The following ABI2 variants were observed in gnomAD, a reference collection of about 807,000 sequenced individuals.
ABI2 encodes the protein abl interactor 2.
ABI2 carries 25 observed loss-of-function variants against 59.2 expected under a neutral mutation model. That is an observed-to-expected ratio of 0.42 (90% confidence interval 0.31 to 0.59). The LOEUF is 0.59. Ranked by LOEUF, ABI2 falls within the 20% of genes least tolerant of loss-of-function variation. ABI2 has a pLI of 0.14. For synonymous variants in ABI2, 213 were observed against 235.5 expected (o/e 0.90, Z 0.87); for missense variants, 545 against 681.8 (o/e 0.80, Z 2.23).
At chr2:203,385,107 A>ACAG (rs1036181599) in intron 4 of ABI2, among the ~76,000 whole-genome samples, 1 of 143,104 alleles carries the variant, frequency 7.0e-6, no homozygotes, top group African/African-American at 2.6e-5. Context: ...TGTTGGGATT[A>ACAG]CAGGTGTGAG....
chr2:203,390,075 A>G (rs1364368560), intron 4 of ABI2, among the ~76,000 whole-genome samples: 2 of 152,164 alleles, frequency 1.3e-5, no homozygotes, highest in South Asian at 2.1e-4. Context: ...TCCCAGTTGA[A>G]TGGGATACCT....
chr2:203,394,746 G>T lies in ABI2; in HGVS notation c.625G>T (p.Val209Leu). Residue 209 changes from valine (V) to leucine (L), a missense_variant, in exon 6 of 12, where the codon GTA becomes TTA. Around this residue, in one of 4 missense-constraint regions of ABI2, gnomAD observed 410 missense variants for 435.6 expected, o/e 0.94. Coordinates refer to ENST00000261018, the MANE Select transcript of ABI2 (RefSeq NM_001375670.1). The stretch of plus-strand genomic sequence containing the variant: ...ACTGGAGCCAGTGCGTCCTCCAGTG[G>T]TACCAAATGATTACGTACCTAGCCC... ...RTLEPVRPPV[V>L]PNDYVPSPTR... 1 of 1,614,048 alleles carries T rather than the reference G, an allele frequency of 6.2e-7. No homozygotes were observed.
rs2098485617 is a variant in ABI2, at chr2:203,431,770, G to GT, written c.*4424dup. 1.3e-5 allele frequency: 2 copies of GT among 151,274 alleles called. No individual in the cohort carries two copies. The highest frequency in any genetic ancestry group is 2.1e-4 in the South Asian group (1 of 4,772). 9.4% of individuals were successfully genotyped at this position (151,274 alleles called of 1,614,324 possible). ...AATGATCCTTGCTGAATATCTTAAG[G>GT]TTTTTTGTAAGAAAAAAGAAAAACC... On this transcript the variant is annotated 3_prime_UTR_variant, in exon 12 of 12. Coordinates refer to ENST00000261018, the MANE Select transcript of ABI2 (RefSeq NM_001375670.1).
At chr2:203,411,449 C>A in intron 10 of ABI2, 78 bp downstream of exon 10, 1 of 1,103,148 alleles carries the variant, frequency 9.1e-7, no homozygotes, top group Non-Finnish European at 1.4e-6. Flanking sequence ...ACTGGATAGT[C>A]ATTCATTTGC....
intron 9 of ABI2, among the ~76,000 whole-genome samples, chr2:203,405,589 G>A (rs2097389230): frequency 6.6e-6 from 1 of 152,078 alleles, no homozygotes; most frequent in Non-Finnish European, 1.5e-5. Flanking sequence ...ATTACTCCCA[G>A]TAGCCCTGCA....
chr2:203,378,902 T>A (rs1294861298), intron 2 of ABI2, among the ~76,000 whole-genome samples: 1 of 152,168 alleles, frequency 6.6e-6, no homozygotes, highest in Non-Finnish European at 1.5e-5. Context: ...TATATTTATA[T>A]ATATAATAAA....
chr2:203,420,256 C>T (rs984338088), intron 11 of ABI2, among the ~76,000 whole-genome samples: 1 of 152,074 alleles, frequency 6.6e-6, no homozygotes, highest in African/African-American at 2.4e-5. Context: ...TTTTACTGCC[C>T]GTTTTGTATC....
chr2:203,359,819 G>A (rs1187410952), intron 1 of ABI2, among the ~76,000 whole-genome samples: 5 of 141,716 alleles, frequency 3.5e-5, no homozygotes, highest in African/African-American at 1.3e-4. Context: ...ATCAACATCA[G>A]TGTTAGGTTC....
In ABI2 at chr2:203,391,086, C is replaced by G; in HGVS notation, c.521C>G (p.Thr174Arg). Residue 174 changes from threonine (T) to arginine (R), a missense_variant, in exon 5 of 12, where the codon ACA (threonine) becomes AGA (arginine). Physicochemically the swap from Thr to Arg is moderately conservative, Grantham distance 71. Transcript: ENST00000261018. ...QNMKMGGLPR[T>R]TPPTQKPPSP... is the part of the protein sequence containing the mutation. ...ATGAAGATGGGTGGGCTGCCGCGTACAACACCTCCAACTCAGAAGCCCCCT... is the reference window on the plus strand; with the variant it reads ...ATGAAGATGGGTGGGCTGCCGCGTAGAACACCTCCAACTCAGAAGCCCCCT... 1.2e-6 allele frequency: 2 copies of G among 1,613,930 alleles called. No homozygotes were observed. Among genetic ancestry groups the G allele is most frequent in the Non-Finnish European group, 1.7e-6 (2 of 1,179,926 alleles).
chr2:203,418,977 A>T (rs1243011302), intron 11 of ABI2, among the ~76,000 whole-genome samples: 1 of 152,250 alleles, frequency 6.6e-6, no homozygotes, highest in African/African-American at 2.4e-5. Context: ...AACAAAGATA[A>T]GAATGACTGC....
chr2:203,387,020 G>A (rs2096552865), intron 4 of ABI2, among the ~76,000 whole-genome samples: 3 of 141,064 alleles, frequency 2.1e-5, no homozygotes, highest in African/African-American at 7.8e-5. Context: ...TCTATAGACC[G>A]TTTTGTCTCC....
intron 11 of ABI2, among the ~76,000 whole-genome samples, chr2:203,422,281 C>T (rs956883162): frequency 6.6e-6 from 1 of 152,032 alleles, no homozygotes; most frequent in African/African-American, 2.4e-5. Flanking sequence ...CAGTAAGACT[C>T]TGTCTCAATA....
intron 1 of ABI2, among the ~76,000 whole-genome samples, chr2:203,361,350 T>C (rs572396114): frequency 6.6e-6 from 1 of 152,136 alleles, no homozygotes; most frequent in Non-Finnish European, 1.5e-5. Flanking sequence ...AAGAAAATGT[T>C]TGGCTTGGTG....
intron 6 of ABI2, chr2:203,395,157 A>G: frequency 1.4e-6 from 1 of 700,910 alleles, no homozygotes; most frequent in Admixed American, 2.0e-5. Context: ...TTTACAGATG[A>G]AAAACTATAC....
At chr2:203,365,310 A>T (rs901508210) in intron 1 of ABI2, among the ~76,000 whole-genome samples, 1 of 152,194 alleles carries the variant, frequency 6.6e-6, no homozygotes, top group South Asian at 2.1e-4. Flanking sequence ...CATAGCAGTA[A>T]TGCATAGTAA....
chr2:203,397,951 C>T lies in ABI2; in HGVS notation c.1033+984C>T, dbSNP rs574220406. On this transcript the variant is annotated intron_variant, in intron 8 of 11. Transcript: ENST00000261018. ...CGCCCTTGTGATCCAGTCACCTCCCCCTAGGCCCCACCTCCAACATTGGGG... is the reference window on the plus strand; with the variant it reads ...CGCCCTTGTGATCCAGTCACCTCCCTCTAGGCCCCACCTCCAACATTGGGG... 9.2e-5 allele frequency among the ~76,000 whole-genome samples: 14 copies of T among 152,294 alleles called. No individual in the cohort carries two copies. In the South Asian group the frequency reaches 2.9e-3, roughly 32 times the overall value.
intron 11 of ABI2, among the ~76,000 whole-genome samples, chr2:203,419,984 A>T (rs937260311): frequency 2.6e-5 from 4 of 152,102 alleles, no homozygotes; most frequent in South Asian, 2.1e-4. Flanking sequence ...GCGAAACTCC[A>T]TCTCCAAGAA....
chr2:203,379,929 G>A (rs572953461), intron 2 of ABI2, among the ~76,000 whole-genome samples: 102 of 152,102 alleles, frequency 6.7e-4, no homozygotes, highest in African/African-American at 2.2e-3. Flanking sequence ...GTTTTTTTTG[G>A]TTGTTCTTTT....
intron 9 of ABI2, among the ~76,000 whole-genome samples, chr2:203,406,684 C>T (rs1265421540): frequency 6.6e-6 from 1 of 151,840 alleles, no homozygotes; most frequent in African/African-American, 2.4e-5. Context: ...TTTTTTTCTC[C>T]CCAAAGTCTT....
Sources: gnomAD v4.1 joint callset for allele counts (sites outside exome capture counted in the v4.1 genomes callset) on GRCh38, gnomAD v4.1.1 for gene constraint, gnomAD v4.1.1 regional missense constraint, MANE v1.5 for transcripts, NCBI Gene and HGNC (gene_info 2026-07-23, HGNC 2026-07-21) for gene names.